DAGLA: variants seen among roughly 807,000 people sequenced by gnomAD.
DAGLA encodes diacylglycerol lipase alpha, also known as diacylglycerol lipase-alpha.
DAGLA carries 22 observed loss-of-function variants against 102.6 expected under a neutral mutation model. The observed-to-expected ratio is 0.21, with a 90% CI of 0.15 to 0.31. DAGLA has a LOEUF of 0.31. DAGLA is among the 10% of genes least tolerant of loss of function. The pLI is 1.00. For synonymous variants in DAGLA, 578 were observed against 628.9 expected (o/e 0.92, Z 1.21); for missense variants, 927 against 1,446.6 (o/e 0.64, Z 5.83).
chr11:61,728,067 C>A, intron 6 of DAGLA, 86 bp from the exon 7 acceptor site: 2 of 1,510,248 alleles, frequency 1.3e-6, no homozygotes, highest in Non-Finnish European at 1.8e-6. Flanking sequence ...CTTCTGCAGC[C>A]TCCCAGCCCT....
At chr11:61,703,269 G>A (rs1415384230) in intron 1 of DAGLA, among the ~76,000 whole-genome samples, 1 of 152,238 alleles carries the variant, frequency 6.6e-6, no homozygotes, top group Non-Finnish European at 1.5e-5. Context: ...GAGGGAGCCA[G>A]ATGGTAAACA....
At chr11:61,740,394 G>A (rs1013161698) in intron 17 of DAGLA, 69 bp from the exon 18 acceptor site, 8 of 1,571,226 alleles carry the variant, frequency 5.1e-6, no homozygotes, top group Non-Finnish European at 6.9e-6. Flanking sequence ...AACAGAGCCA[G>A]GAGGCCCTGG....
At chr11:61,729,133 C>T in intron 8 of DAGLA, 125 bp downstream of exon 8, 1 of 806,516 alleles carries the variant, frequency 1.2e-6, no homozygotes, top group Non-Finnish European at 2.1e-6. Context: ...CCGGTCTCCC[C>T]CCGGCTCTCC....
intron 1 of DAGLA, among the ~76,000 whole-genome samples, chr11:61,695,777 T>C (rs2065059962): frequency 6.6e-6 from 1 of 152,136 alleles, no homozygotes; most frequent in African/African-American, 2.4e-5. Context: ...GGACAGCATA[T>C]AGTGGGGGTG....
chr11:61,714,707 T>C (rs1180136910), intron 1 of DAGLA, among the ~76,000 whole-genome samples: 1 of 152,184 alleles, frequency 6.6e-6, no homozygotes. Flanking sequence ...CGGGAAGAGC[T>C]AGGGCCTCTG....
chr11:61,702,274 T>A (rs1315376386), intron 1 of DAGLA, among the ~76,000 whole-genome samples: 1 of 152,092 alleles, frequency 6.6e-6, no homozygotes, highest in Admixed American at 6.6e-5. Flanking sequence ...ACATGTTAGG[T>A]TTCGAACTTA....
intron 7 of DAGLA, 121 bp from the exon 8 acceptor site, chr11:61,728,810 T>G: frequency 1.3e-6 from 1 of 773,486 alleles, no homozygotes; most frequent in Non-Finnish European, 2.2e-6. Flanking sequence ...AGAAGCTGCA[T>G]GCTCGTTTGG....
intron 14 of DAGLA, 139 bp from the exon 15 acceptor site, chr11:61,737,548 C>G: frequency 1.9e-6 from 2 of 1,045,566 alleles, no homozygotes; most frequent in South Asian, 2.8e-5. Context: ...AGCAGGCAAC[C>G]CAGCCTGCCA....
intron 4 of DAGLA, 151 bp from the exon 5 acceptor site, chr11:61,723,283 C>A: frequency 8.8e-7 from 1 of 1,138,360 alleles, no homozygotes; most frequent in Non-Finnish European, 1.2e-6. Context: ...ACGTATGTGG[C>A]CAGAGACTGG....
intron 1 of DAGLA, among the ~76,000 whole-genome samples, chr11:61,695,103 A>G (rs980215830): frequency 6.6e-6 from 1 of 152,172 alleles, no homozygotes; most frequent in Non-Finnish European, 1.5e-5. Flanking sequence ...TTTGCCAGCA[A>G]CTGAGAGGCA....
chr11:61,729,103 G>A lies in DAGLA; in HGVS notation c.849+95G>A, dbSNP rs905970968. On this transcript the variant is annotated intron_variant, in intron 8 of 19. Coordinates refer to ENST00000257215, the MANE Select transcript of DAGLA (RefSeq NM_006133.3). ...AACTCCTCCCAGCTGCCCTTGCAGTGCCAGCCACATTGCCCCTGCCCGGTC... is the reference window on the plus strand; with the variant it reads ...AACTCCTCCCAGCTGCCCTTGCAGTACCAGCCACATTGCCCCTGCCCGGTC... The A allele has an allele frequency of 7.6e-5, 84 of 1,111,896 alleles. No individual in the cohort carries two copies. In the African/African-American group the frequency reaches 1.1e-3, roughly 15 times the overall value. The allele number at this position is 1,111,896 out of a possible 1,614,324, so 68.9% of individuals were successfully genotyped here.
chr11:61,720,641 G>C, intron 2 of DAGLA, 38 bp from the exon 3 acceptor site: 1 of 1,600,998 alleles, frequency 6.2e-7, no homozygotes, highest in Middle Eastern at 2.1e-4. Context: ...AGGTACAGGG[G>C]CCACCTGGCC....
At chr11:61,737,135 C>G in intron 13 of DAGLA, 47 bp from the exon 14 acceptor site, 1 of 1,611,330 alleles carries the variant, frequency 6.2e-7, no homozygotes, top group Non-Finnish European at 8.5e-7. Flanking sequence ...AAGACAGTCG[C>G]TTGGCGGGCA....
chr11:61,712,772 A>C (rs1472483914), intron 1 of DAGLA, among the ~76,000 whole-genome samples: 1 of 152,168 alleles, frequency 6.6e-6, no homozygotes, highest in Non-Finnish European at 1.5e-5. Flanking sequence ...ACTGGGAAGA[A>C]GGGGAAGGTA....
rs139610779 is a variant in DAGLA, at chr11:61,692,490, C to T, written c.-45+11986C>T. The stretch of plus-strand genomic sequence containing the variant: ...GGCTTACTGATTCAGAATTGCTGGG[C>T]GGGGCCTGGGAGTCTGCATAAGTTT... On this transcript the variant is annotated intron_variant, in intron 1 of 19. Coordinates refer to ENST00000257215, the MANE Select transcript of DAGLA (RefSeq NM_006133.3). Among the ~76,000 whole-genome samples the T allele has an allele frequency of 5.6e-3, 852 of 152,182 alleles. 8 individuals carry two copies. The highest frequency in any genetic ancestry group is 0.02 in the African/African-American group (823 of 41,524).
intron 19 of DAGLA, among the ~76,000 whole-genome samples, chr11:61,743,086 T>C (rs1165318774): frequency 4.6e-5 from 7 of 151,930 alleles, no homozygotes; most frequent in Non-Finnish European, 2.9e-5. Context: ...CATTCCTGGC[T>C]GGGCGCGGTG....
At chr11:61,743,483 C>T in intron 19 of DAGLA, 49 bp from the exon 20 acceptor site, 1 of 1,441,720 alleles carries the variant, frequency 6.9e-7, no homozygotes, top group African/African-American at 1.4e-5. Flanking sequence ...GGGTTCAGTC[C>T]CCTCTCCCTT....
In DAGLA at chr11:61,694,682, G is replaced by A. The variant is rs1423046704; in HGVS notation, c.-45+14178G>A. 5.3e-5 allele frequency among the ~76,000 whole-genome samples: 8 copies of A among 152,226 alleles called. No homozygotes were observed. In the South Asian group the frequency reaches 1.7e-3, roughly 32 times the overall value. The stretch of plus-strand genomic sequence containing the variant: ...CCCTGAATCTGTGGCCCTTTGAGCT[G>A]CTGTTTTCCATCGAGTGGCTCCGTG... On this transcript the variant is annotated intron_variant, in intron 1 of 19. Coordinates refer to ENST00000257215, the MANE Select transcript of DAGLA (RefSeq NM_006133.3).
intron 3 of DAGLA, 76 bp downstream of exon 3, chr11:61,720,966 C>T (rs2065276964): frequency 1.4e-6 from 2 of 1,406,222 alleles, no homozygotes; most frequent in Non-Finnish European, 9.8e-7. Context: ...ATTTACTGCG[C>T]ACATGTTGCG....
Sources: allele counts gnomAD v4.1 joint callset (sites outside exome capture counted in the v4.1 genomes callset), GRCh38; gene constraint gnomAD v4.1.1; transcripts MANE v1.5; gene names NCBI Gene and HGNC (gene_info 2026-07-23, HGNC 2026-07-21).